C10orf90: variants seen among roughly 807,000 people sequenced by gnomAD.
The protein encoded by C10orf90 is (E2-independent) E3 ubiquitin-conjugating enzyme FATS.
C10orf90 carries 56 observed loss-of-function variants against 62.5 expected under a neutral mutation model. The ratio of observed to expected loss-of-function variants is 0.90; its 90% confidence interval spans 0.72 to 1.12. C10orf90 has a LOEUF of 1.12. C10orf90 is among the 50% of genes most tolerant of loss of function. The pLI is 0.00. For missense variants in C10orf90, 970 were observed against 880.4 expected, an observed-to-expected ratio of 1.10 and a Z score of -1.29; for synonymous variants, 386 against 340.4, an observed-to-expected ratio of 1.13 and a Z score of -1.47.
intron 1 of C10orf90, among the ~76,000 whole-genome samples, chr10:126,652,589 G>A (rs2366865): frequency 0.43 from 66,119 of 152,052 alleles, 16,113 homozygotes; most frequent in Non-Finnish European, 0.55. Context: ...TCTGCAGAGC[G>A]TTCACTCTTC....
In C10orf90 at chr10:126,477,076, A is replaced by ATTTTTTTTTTTTTTTTT. The variant is rs551973906; in HGVS notation, c.1535-12107_1535-12091dup. ...AGGTGCCCAACATCACGCCTGGCTA[A>ATTTTTTTTTTTTTTTTT]TTTTTTTTTTTTTTTTTTTTTTTTT... On this transcript the variant is annotated intron_variant, in intron 4 of 9. Transcript: ENST00000488181. Among the ~76,000 whole-genome samples the ATTTTTTTTTTTTTTTTT allele has an allele frequency of 2.8e-4, 16 of 56,434 alleles. 4 individuals are homozygous for ATTTTTTTTTTTTTTTTT. Among genetic ancestry groups the ATTTTTTTTTTTTTTTTT allele is most frequent in the Non-Finnish European group, 4.5e-4 (14 of 30,884 alleles). The allele number at this position is 56,434 out of a possible 152,430, so 37.0% of individuals were successfully genotyped here. A position where few individuals can be genotyped will look rare whatever the true frequency, so the allele number is the denominator to read the frequency against.
intron 2 of C10orf90, among the ~76,000 whole-genome samples, chr10:126,597,445 C>T (rs1845110107): frequency 6.6e-6 from 1 of 152,192 alleles, no homozygotes; most frequent in Non-Finnish European, 1.5e-5. Flanking sequence ...GAGGTTGGAA[C>T]CAAATGCCAC....
chr10:126,432,855 G>T (rs1219785760), intron 7 of C10orf90, among the ~76,000 whole-genome samples: 1 of 152,236 alleles, frequency 6.6e-6, no homozygotes, highest in Non-Finnish European at 1.5e-5. Context: ...AACCACCCAC[G>T]TTGGCCTTTG....
At chr10:126,663,994 C>T (rs1178131456) in intron 1 of C10orf90, among the ~76,000 whole-genome samples, 1 of 152,154 alleles carries the variant, frequency 6.6e-6, no homozygotes, top group Non-Finnish European at 1.5e-5. Flanking sequence ...TACCTTAGCC[C>T]TAGCTTTATC....
intron 7 of C10orf90, among the ~76,000 whole-genome samples, chr10:126,439,936 T>C (rs552842003): frequency 6.6e-6 from 1 of 152,242 alleles, no homozygotes; most frequent in East Asian, 1.9e-4. Context: ...AGGCCATTCC[T>C]GCCAAGCATC....
chr10:126,548,398 C>T (rs1591087924), intron 2 of C10orf90, among the ~76,000 whole-genome samples: 4 of 152,222 alleles, frequency 2.6e-5, no homozygotes, highest in South Asian at 2.1e-4. Context: ...CAAAGTCTCT[C>T]GCTCTGTCAC....
intron 4 of C10orf90, among the ~76,000 whole-genome samples, chr10:126,479,836 C>CTGGA (rs1380583760): frequency 6.6e-6 from 1 of 152,230 alleles, no homozygotes; most frequent in Non-Finnish European, 1.5e-5. Context: ...GAGAGATTCA[C>CTGGA]TGCCCAAGAC....
intron 2 of C10orf90, among the ~76,000 whole-genome samples, chr10:126,536,543 A>T (rs1302193612): frequency 6.6e-6 from 1 of 152,162 alleles, no homozygotes; most frequent in African/African-American, 2.4e-5. Flanking sequence ...CAGCTAAGAG[A>T]CAGGGAGTTC....
chr10:126,481,498 A>G (rs898700983), intron 4 of C10orf90, among the ~76,000 whole-genome samples: 1 of 152,252 alleles, frequency 6.6e-6, no homozygotes, highest in African/African-American at 2.4e-5. Flanking sequence ...CATTCAGCCA[A>G]AAGAAAAATT....
chr10:126,496,591 G>T, intron 4 of C10orf90: 1 of 879,308 alleles, frequency 1.1e-6, no homozygotes, highest in African/African-American at 1.8e-5. Context: ...CATTTCCCCC[G>T]CCACCCTCCA....
chr10:126,551,228 C>T (rs7896521), intron 2 of C10orf90, among the ~76,000 whole-genome samples: 117,311 of 152,152 alleles, frequency 0.77, 45,400 homozygotes, highest in African/African-American at 0.83. Context: ...TGTCTTGAGA[C>T]TAGAGAGAAC....
chr10:126,498,181 C>T (rs1451788581), intron 4 of C10orf90, among the ~76,000 whole-genome samples: 9 of 152,166 alleles, frequency 5.9e-5, no homozygotes, highest in African/African-American at 9.7e-5. Flanking sequence ...AGGGTAGAGG[C>T]GGCTCCAGAA....
rs114789003 is a variant in C10orf90 at position 126,630,763 on chromosome 10, T to G, written c.313+15802A>C. On this transcript the variant is annotated intron_variant, in intron 2 of 9. Coordinates refer to ENST00000488181, the MANE Select transcript of C10orf90 (RefSeq NM_001350921.2). ...AACTAAAAATAATAATCAGCAGCTC[T>G]TGGATCTATTAAGAGGATGAAGTGA... Among the ~76,000 whole-genome samples, 653 of 152,296 alleles carry G rather than the reference T, an allele frequency of 4.3e-3. 5 individuals are homozygous for G. Among genetic ancestry groups the G allele is most frequent in the African/African-American group, 0.015 (608 of 41,568 alleles).
intron 7 of C10orf90, among the ~76,000 whole-genome samples, chr10:126,458,018 T>A (rs573195278): frequency 2.0e-5 from 3 of 152,162 alleles, no homozygotes; most frequent in East Asian, 1.9e-4. Flanking sequence ...GAAGGATGCA[T>A]TCAAATTCAT....
At chr10:126,621,896 C>G (rs1182321243) in intron 2 of C10orf90, among the ~76,000 whole-genome samples, 1 of 152,168 alleles carries the variant, frequency 6.6e-6, no homozygotes, top group Non-Finnish European at 1.5e-5. Context: ...GCACTGCACT[C>G]TCTCTTGTTT....
rs184501249 is a variant in C10orf90 at position 126,464,686 on chromosome 10, C to G, written c.1825+10G>C. On this transcript the variant is annotated intron_variant, in intron 5 of 9. Coordinates refer to ENST00000488181, the MANE Select transcript of C10orf90 (RefSeq NM_001350921.2). ...ACCAAATGATGTCACCCACCACCCT[C>G]GCTCCTTACCTTTGGGGAACTTGCT... 6 of 1,598,120 alleles carry G rather than the reference C, an allele frequency of 3.8e-6. No homozygotes were observed. The East Asian group carries it at 1.3e-4, about 36-fold the overall frequency.
intron 2 of C10orf90, among the ~76,000 whole-genome samples, chr10:126,538,547 G>A (rs922900180): frequency 2.0e-5 from 3 of 152,292 alleles, no homozygotes; most frequent in South Asian, 4.2e-4. Flanking sequence ...GCTTTGCTAC[G>A]GCAGTCCTAT....
At chr10:126,566,132 G>A (rs185109391) in intron 2 of C10orf90, among the ~76,000 whole-genome samples, 4 of 152,278 alleles carry the variant, frequency 2.6e-5, no homozygotes, top group East Asian at 1.9e-4. Flanking sequence ...TTTATGCAAG[G>A]ATAACCTTGG....
Position 126,512,185 on chromosome 10 carries a change from AGGT to A in C10orf90, c.405+1660_405+1662del, listed in dbSNP as rs1863146506. On this transcript the variant is annotated intron_variant, in intron 3 of 9. Transcript: ENST00000488181. ...TGGATAATCCAGATGATTCCAGAGC[AGGT>A]GGTCAGAAGGTATAATTTCCAGAGT... is the stretch of plus-strand genomic sequence containing the variant. 2.6e-5 allele frequency: 4 copies of A among 152,214 alleles called. No homozygotes were observed. In the South Asian group the frequency reaches 8.3e-4, roughly 32 times the overall value. The allele number at this position is 152,214 out of a possible 1,614,324, so 9.4% of individuals were successfully genotyped here.
Sources: allele counts gnomAD v4.1 joint callset (sites outside exome capture counted in the v4.1 genomes callset), GRCh38; gene constraint gnomAD v4.1.1; transcripts MANE v1.5; gene names NCBI Gene and HGNC (gene_info 2026-07-23, HGNC 2026-07-21).